The following NKAIN3 variants were observed in gnomAD, a reference collection of about 807,000 sequenced individuals.
NKAIN3 encodes the protein sodium/potassium-transporting ATPase subunit beta-1-interacting protein 3.
In NKAIN3, 25 loss-of-function variants were observed where a neutral mutation model predicts 30.2. The observed-to-expected ratio is 0.83, with a 90% CI of 0.60 to 1.16. The LOEUF is 1.16. Ranked by LOEUF, NKAIN3 falls within the 50% of genes most tolerant of loss-of-function variation. The probability of loss-of-function intolerance (pLI) is 0.00; values close to 1 mark genes in which losing one functional copy is unlikely to be tolerated. For missense variants in NKAIN3, 225 were observed against 254.1 expected, an observed-to-expected ratio of 0.89 and a Z score of 0.78; for synonymous variants, 91 against 89.6, an observed-to-expected ratio of 1.02 and a Z score of -0.09.
chr8:62,259,038 G>A (rs1812348620), intron 1 of NKAIN3, among the ~76,000 whole-genome samples: 1 of 152,280 alleles, frequency 6.6e-6, no homozygotes. Context: ...GAAGGGTATG[G>A]TGGGCATAGT....
At chr8:62,555,814 A>C (rs915116568) in intron 1 of NKAIN3, among the ~76,000 whole-genome samples, 4 of 152,060 alleles carry the variant, frequency 2.6e-5, no homozygotes, top group African/African-American at 9.7e-5. Flanking sequence ...AGAACATAGA[A>C]ATATTTTAAG....
intron 1 of NKAIN3, among the ~76,000 whole-genome samples, chr8:62,479,810 A>G (rs1172665813): frequency 6.6e-6 from 1 of 152,056 alleles, no homozygotes; most frequent in African/African-American, 2.4e-5. Flanking sequence ...AACCTTAGAT[A>G]TGTTATTTTA....
chr8:62,505,761 T>C (rs1484401265), intron 1 of NKAIN3, among the ~76,000 whole-genome samples: 3 of 152,182 alleles, frequency 2.0e-5, no homozygotes, highest in African/African-American at 4.8e-5. Context: ...ATGGCCTATA[T>C]GTATTAGTTT....
chr8:62,310,352 A>T (rs1200868108), intron 1 of NKAIN3, among the ~76,000 whole-genome samples: 1 of 150,670 alleles, frequency 6.6e-6, no homozygotes, highest in Admixed American at 6.6e-5. Context: ...GAGTTTGGTT[A>T]GGAAGATAAC....
intron 3 of NKAIN3, among the ~76,000 whole-genome samples, chr8:62,711,871 G>C (rs538582964): frequency 1.6e-4 from 25 of 152,322 alleles, no homozygotes; most frequent in Admixed American, 7.2e-4. Flanking sequence ...GGTAGCCTCT[G>C]TAAGAGGGAA....
chr8:62,354,994 C>T (rs983925355), intron 1 of NKAIN3, among the ~76,000 whole-genome samples: 3 of 152,166 alleles, frequency 2.0e-5, no homozygotes, highest in African/African-American at 7.2e-5. Context: ...TATCCCTTTT[C>T]TCTAGAGGGT....
intron 1 of NKAIN3, among the ~76,000 whole-genome samples, chr8:62,562,576 C>T (rs181353557): frequency 1.1e-3 from 171 of 152,012 alleles, no homozygotes; most frequent in Middle Eastern, 0.01. Context: ...GAAGCTGCTA[C>T]GTATTTAATT....
chr8:62,985,824 G>T (rs185279877), downstream of NKAIN3, among the ~76,000 whole-genome samples: 887 of 151,868 alleles, frequency 5.8e-3, 7 homozygotes, highest in African/African-American at 0.02. Flanking sequence ...ACTTTTTGTA[G>T]TTCTACAACT....
At chr8:62,255,521 C>T (rs1585601558) in intron 1 of NKAIN3, among the ~76,000 whole-genome samples, 1 of 152,132 alleles carries the variant, frequency 6.6e-6, no homozygotes, top group East Asian at 1.9e-4. Context: ...TTGTTTTAAG[C>T]CACTTGGTTG....
At chr8:62,425,865 T>C (rs1804790182) in intron 1 of NKAIN3, among the ~76,000 whole-genome samples, 1 of 151,962 alleles carries the variant, frequency 6.6e-6, no homozygotes, top group Non-Finnish European at 1.5e-5. Flanking sequence ...GTTCCATGTC[T>C]GTCTTACTTG....
chr8:62,810,789 A>G (rs1818462012), intron 4 of NKAIN3, among the ~76,000 whole-genome samples: 1 of 152,012 alleles, frequency 6.6e-6, no homozygotes, highest in Non-Finnish European at 1.5e-5. Flanking sequence ...ATTTTCTTCT[A>G]TTAAAGATTA....
rs924944784 is a variant in NKAIN3, at chr8:62,973,093, C to G, written c.*7686C>G. Among the ~76,000 whole-genome samples the G allele has an allele frequency of 3.3e-5, 5 of 152,128 alleles. No individual in the cohort carries two copies. The highest frequency in any genetic ancestry group is 5.9e-5 in the Non-Finnish European group (4 of 68,024). On this transcript the variant is annotated 3_prime_UTR_variant, in exon 7 of 7. Transcript: ENST00000623646. The stretch of plus-strand genomic sequence containing the variant: ...ACATTGATGGGCATTTGGGTTGGTT[C>G]CAAGTCTTTGCTATTGTGAATAGTG...
At chr8:62,421,375 A>G (rs1204797621) in intron 1 of NKAIN3, among the ~76,000 whole-genome samples, 1 of 152,162 alleles carries the variant, frequency 6.6e-6, no homozygotes, top group East Asian at 1.9e-4. Context: ...TCCTATTGAC[A>G]GTTCCTGAGA....
intron 1 of NKAIN3, among the ~76,000 whole-genome samples, chr8:62,495,279 A>G (rs1025969554): frequency 6.6e-6 from 1 of 152,162 alleles, no homozygotes; most frequent in Non-Finnish European, 1.5e-5. Flanking sequence ...GTACTAGAAT[A>G]AGAGTATTGA....
chr8:62,647,317 A>G (rs1285287540), intron 3 of NKAIN3, among the ~76,000 whole-genome samples: 2 of 152,208 alleles, frequency 1.3e-5, no homozygotes, highest in Non-Finnish European at 2.9e-5. Flanking sequence ...GATGAAAAGC[A>G]AAGTGGCAGA....
intron 4 of NKAIN3, among the ~76,000 whole-genome samples, chr8:62,784,084 C>T (rs725329): frequency 0.094 from 14,290 of 151,738 alleles, 696 homozygotes; most frequent in East Asian, 0.11. Context: ...TTGAATAGAA[C>T]GGAAACTAAA....
At position 62,979,878 on chromosome 8, in the gene NKAIN3, A is replaced by AGT. The variant is rs1824035419; in HGVS notation, c.*14472_*14473insTG. ...TCAAGGCTACAGGGCAGCTGCAGAA[A>AGT]GACACCTGCTATTGGCTTACCTGCT... is the stretch of plus-strand genomic sequence containing the variant. On this transcript the variant is annotated 3_prime_UTR_variant, in exon 7 of 7. Coordinates refer to ENST00000623646, the MANE Select transcript of NKAIN3 (RefSeq NM_001304533.3). The AGT allele has an allele frequency of 2.0e-5, 3 of 152,396 alleles. No individual in the cohort carries two copies. The highest frequency in any genetic ancestry group is 4.1e-4 in the South Asian group (2 of 4,820). 9.4% of individuals were successfully genotyped at this position (152,396 alleles called of 1,614,324 possible).
chr8:62,823,572 T>C (rs76441785), intron 4 of NKAIN3, among the ~76,000 whole-genome samples: 3,599 of 152,302 alleles, frequency 0.024, 157 homozygotes, highest in African/African-American at 0.083. Context: ...AAGAAGAATG[T>C]TGCTTTGAGA....
chr8:62,606,815 T>C (rs1288042489), intron 3 of NKAIN3, among the ~76,000 whole-genome samples: 2 of 152,206 alleles, frequency 1.3e-5, no homozygotes, highest in Non-Finnish European at 2.9e-5. Flanking sequence ...TTTGAGAAGA[T>C]ACTCTGTCCT....
Sources: allele counts gnomAD v4.1 joint callset (sites outside exome capture counted in the v4.1 genomes callset), GRCh38; gene constraint gnomAD v4.1.1; transcripts MANE v1.5; gene names NCBI Gene and HGNC (gene_info 2026-07-23, HGNC 2026-07-21).